FGD1: variants seen among roughly 807,000 people sequenced by gnomAD.
The protein encoded by FGD1 is FYVE, RhoGEF and PH domain-containing protein 1.
Under a neutral mutation model 65.0 loss-of-function variants are expected in FGD1, and 12 were observed. The observed-to-expected ratio is 0.18, with a 90% CI of 0.12 to 0.30. The LOEUF is 0.30. Among genes scored for constraint, FGD1 ranks in the 10% least tolerant of loss-of-function variants. The pLI, the probability that FGD1 is intolerant of heterozygous loss-of-function variation, is 1.00. For missense variants in FGD1, 542 were observed against 837.6 expected, an observed-to-expected ratio of 0.65 and a Z score of 4.36; for synonymous variants, 333 against 343.9, an observed-to-expected ratio of 0.97 and a Z score of 0.35.
In FGD1 at chrX:54,473,291, C is replaced by A. The variant is rs1922937343; in HGVS notation, c.308-1804G>T. ...CACAAAAGATATACATTGTCATTTA[C>A]ACTATGTCTCACAATTGCAGGGCCA... On this transcript the variant is annotated intron_variant, in intron 1 of 17. Transcript: ENST00000375135. Among the ~76,000 whole-genome samples the A allele has an allele frequency of 2.7e-5, 3 of 112,416 alleles. No homozygotes were observed. The Admixed American group carries it at 2.8e-4, about 11-fold the overall frequency.
At chrX:54,477,179 G>C (rs1923037595) in intron 1 of FGD1, among the ~76,000 whole-genome samples, 1 of 112,782 alleles carries the variant, frequency 8.9e-6, no homozygotes, top group African/African-American at 3.2e-5. Context: ...AGGAGTGCCA[G>C]TGCACTGTGC....
At chrX:54,454,448 G>A (rs747566970) in intron 12 of FGD1, among the ~76,000 whole-genome samples, 10 of 111,011 alleles carry the variant, frequency 9.0e-5, no homozygotes, top group African/African-American at 2.6e-4. Context: ...TCAGGAGTTC[G>A]AAACCAGCCT....
chrX:54,456,414 T>C (rs767071469), intron 9 of FGD1, 48 bp from the exon 10 acceptor site: 59 of 1,208,538 alleles, frequency 4.9e-5, no homozygotes, highest in Non-Finnish European at 6.2e-5. Context: ...GCCAGCCTCC[T>C]GTCAGATGCC....
intron 16 of FGD1, among the ~76,000 whole-genome samples, chrX:54,447,698 G>A (rs1002437757): frequency 6.2e-5 from 7 of 112,637 alleles, no homozygotes; most frequent in Admixed American, 3.8e-4. Flanking sequence ...GAAGGAGTGT[G>A]CGGATCTCAG....
rs375312155 is a variant in FGD1, at chrX:54,467,530, G to A, written c.1340+254C>T. 5.4e-5 allele frequency among the ~76,000 whole-genome samples: 6 copies of A among 110,481 alleles called. No homozygotes were observed. In the East Asian group the frequency reaches 1.4e-3, roughly 26 times the overall value. On this transcript the variant is annotated intron_variant, in intron 6 of 17. Coordinates refer to ENST00000375135, the MANE Select transcript of FGD1 (RefSeq NM_004463.3). ...CCATCACGCCAGGATAATTTTTAAT[G>A]TTTTTAGTAGAGGCAGGGTTTCGCC... is the stretch of plus-strand genomic sequence containing the variant.
chrX:54,495,291 A>T lies in FGD1; in HGVS notation c.142T>A (p.Ser48Thr), dbSNP rs1347276780. The T allele has an allele frequency of 8.4e-7, 1 of 1,185,157 alleles. No homozygotes were observed. Among genetic ancestry groups the T allele is most frequent in the South Asian group, 1.9e-5 (1 of 53,844 alleles). Residue 48 changes from serine (S) to threonine (T), a missense_variant, in exon 1 of 18, where the codon TCA (serine) becomes ACA (threonine). Physicochemically the swap from Ser to Thr is moderately conservative, Grantham distance 58. This residue lies in a region of FGD1 where 297 missense variants were observed against 326.8 expected (regional missense o/e 0.91). Transcript: ENST00000375135. ...AGTGGGCCGCCAAGAGCCGAACCTG[A>T]GCCCCTGCGCGCCAGCAGTCCGGGT... The part of the protein sequence containing the change: ...SEPGLLARRG[S>T]GSALGGPLDP...
At chrX:54,460,894 C>A (rs1029808529) in intron 8 of FGD1, among the ~76,000 whole-genome samples, 10 of 112,490 alleles carry the variant, frequency 8.9e-5, no homozygotes, top group Non-Finnish European at 1.3e-4. Context: ...ATGTGCCAGG[C>A]ATTGTGCTAG....
At chrX:54,449,372 G>A in intron 14 of FGD1, 104 bp from the exon 15 acceptor site, 1 of 1,037,161 alleles carries the variant, frequency 9.6e-7, no homozygotes, top group Non-Finnish European at 1.3e-6. Flanking sequence ...GGGTGGGGAT[G>A]GGCTGGGGGT....
chrX:54,479,780 C>CA (rs61712565), intron 1 of FGD1, among the ~76,000 whole-genome samples: 1,613 of 25,162 alleles, frequency 0.064, 41 homozygotes, highest in Middle Eastern at 0.086. Context: ...CTCCGCTTGA[C>CA]AAAAAAAAAA....
intron 1 of FGD1, among the ~76,000 whole-genome samples, chrX:54,477,097 A>G (rs935613309): frequency 1.8e-5 from 2 of 112,857 alleles, no homozygotes; most frequent in Admixed American, 9.3e-5. Context: ...GCTCGGCACA[A>G]CTGCACACAC....
At chrX:54,453,733 C>G (rs1378892242) in intron 12 of FGD1, among the ~76,000 whole-genome samples, 3 of 111,496 alleles carry the variant, frequency 2.7e-5, no homozygotes, top group African/African-American at 9.8e-5. Context: ...CTAAGTTTCC[C>G]CATTTGTAAA....
intron 1 of FGD1, among the ~76,000 whole-genome samples, chrX:54,487,082 T>C (rs1380730331): frequency 9.3e-6 from 1 of 107,205 alleles, no homozygotes; most frequent in Non-Finnish European, 1.9e-5. Flanking sequence ...TTTGGCTCAC[T>C]GCAACCTCTG....
intron 14 of FGD1, 51 bp from the exon 15 acceptor site, chrX:54,449,319 T>TCCAG (rs1301623975): frequency 1.7e-6 from 2 of 1,198,418 alleles, no homozygotes; most frequent in Non-Finnish European, 2.3e-6. Flanking sequence ...CCCAGCCCAG[T>TCCAG]CCAGCCAGCC....
chrX:54,456,417 C>A (rs1922503719), intron 9 of FGD1, 51 bp from the exon 10 acceptor site: 1 of 1,209,983 alleles, frequency 8.3e-7, no homozygotes, highest in South Asian at 1.8e-5. Context: ...AGCCTCCTGT[C>A]AGATGCCCAC....
At chrX:54,486,811 A>C (rs1275682996) in intron 1 of FGD1, among the ~76,000 whole-genome samples, 1 of 104,748 alleles carries the variant, frequency 9.5e-6, no homozygotes, top group Admixed American at 1.0e-4. Context: ...ACATGGTGAA[A>C]CTCTTTCCCT....
At chrX:54,481,211 A>G (rs1923134367) in intron 1 of FGD1, among the ~76,000 whole-genome samples, 1 of 109,633 alleles carries the variant, frequency 9.1e-6, no homozygotes, top group African/African-American at 3.3e-5. Flanking sequence ...AGGCTCAGGG[A>G]GCTGGCCCAT....
intron 1 of FGD1, among the ~76,000 whole-genome samples, chrX:54,483,560 A>T (rs938297326): frequency 8.9e-6 from 1 of 112,101 alleles, no homozygotes; most frequent in African/African-American, 3.2e-5. Context: ...AGCGCCAAGG[A>T]GGGCTCTTCC....
intron 12 of FGD1, among the ~76,000 whole-genome samples, chrX:54,453,315 C>T (rs1223491588): frequency 1.8e-5 from 2 of 111,946 alleles, no homozygotes; most frequent in South Asian, 3.7e-4. Context: ...ATCTCTCTCT[C>T]CCACCTCCTT....
chrX:54,446,581 C>A (rs1885963357), intron 17 of FGD1, among the ~76,000 whole-genome samples, 167 bp from the exon 18 acceptor site: 1 of 111,488 alleles, frequency 9.0e-6, no homozygotes, highest in Admixed American at 9.6e-5. Flanking sequence ...CATGTCAGAA[C>A]TGGGGCTAAA....
Sources: allele counts gnomAD v4.1 joint callset (sites outside exome capture counted in the v4.1 genomes callset), GRCh38; gene constraint gnomAD v4.1.1; regional missense constraint gnomAD v4.1.1; transcripts MANE v1.5; gene names NCBI Gene and HGNC (gene_info 2026-07-23, HGNC 2026-07-21).